Variants in EFCAB5 observed in about 807,000 individuals in gnomAD.
EFCAB5 encodes EF-hand calcium-binding domain-containing protein 5.
In EFCAB5, 131 loss-of-function variants were observed where a neutral mutation model predicts 167.9. The ratio of observed to expected loss-of-function variants is 0.78; its 90% CI spans 0.68 to 0.90. EFCAB5 has a LOEUF of 0.90. Ranked by LOEUF, EFCAB5 falls within the 40% of genes least tolerant of loss-of-function variation. EFCAB5 has a pLI of 0.00. For synonymous variants in EFCAB5, 574 were observed against 602.8 expected, an observed-to-expected ratio of 0.95 and a Z score of 0.70; for missense variants, 1,663 against 1,745.2, an observed-to-expected ratio of 0.95 and a Z score of 0.84.
chr17:30,019,128 T>C (rs1408312179), intron 7 of EFCAB5, among the ~76,000 whole-genome samples: 2 of 152,182 alleles, frequency 1.3e-5, no homozygotes, highest in Admixed American at 1.3e-4. Flanking sequence ...AAGAGGAAAG[T>C]GCCTCTGGAA....
intron 7 of EFCAB5, among the ~76,000 whole-genome samples, chr17:30,028,227 C>T (rs1340962509): frequency 6.6e-6 from 1 of 152,156 alleles, no homozygotes; most frequent in Non-Finnish European, 1.5e-5. Context: ...ACTGATGTGG[C>T]TCCAAGTTTA....
At chr17:29,972,291 C>A (rs891907353) in intron 4 of EFCAB5, among the ~76,000 whole-genome samples, 1 of 151,092 alleles carries the variant, frequency 6.6e-6, no homozygotes, top group Non-Finnish European at 1.5e-5. Flanking sequence ...CCTCGTGATC[C>A]GCCCGCCTCG....
At chr17:30,096,677 A>ATATATATATATTTT (rs1193558323) in intron 22 of EFCAB5, among the ~76,000 whole-genome samples, 2 of 60,122 alleles carry the variant, frequency 3.3e-5, no homozygotes, top group African/African-American at 1.7e-4. Context: ...ATATATATAT[A>ATATATATATATTTT]TTTTTTTTTT....
intron 3 of EFCAB5, among the ~76,000 whole-genome samples, chr17:29,944,918 C>T (rs577232627): frequency 1.8e-4 from 28 of 152,112 alleles, no homozygotes; most frequent in South Asian, 1.7e-3. Context: ...CCACTGTGCC[C>T]GGCCAACACT....
intron 14 of EFCAB5, among the ~76,000 whole-genome samples, chr17:30,060,131 T>C (rs1177458094): frequency 6.6e-6 from 1 of 152,192 alleles, no homozygotes; most frequent in Non-Finnish European, 1.5e-5. Context: ...ATAGTTAGAT[T>C]CCTTCAGTAT....
chr17:30,077,483 A>C lies in EFCAB5; in HGVS notation c.2738-732A>C, dbSNP rs758083384. 2.0e-5 allele frequency among the ~76,000 whole-genome samples: 3 copies of C among 152,314 alleles called. No homozygotes were observed. The East Asian group carries it at 5.8e-4, about 29-fold the overall frequency. On this transcript the variant is annotated intron_variant, in intron 14 of 22. Coordinates refer to ENST00000394835, the MANE Select transcript of EFCAB5 (RefSeq NM_198529.4). ...AAGATAAAGCCAAATTCAGGATATC[A>C]GTGGGAAGTGTGGGGAGGCAGGGAA...
intron 4 of EFCAB5, 74 bp downstream of exon 4, chr17:29,969,441 C>T (rs2067905366): frequency 7.8e-7 from 1 of 1,274,998 alleles, no homozygotes; most frequent in Non-Finnish European, 1.1e-6. Flanking sequence ...ATAACATAAT[C>T]ATGGACAGGA....
At chr17:30,013,911 A>C (rs2068969283) in intron 7 of EFCAB5, among the ~76,000 whole-genome samples, 2 of 152,058 alleles carry the variant, frequency 1.3e-5, no homozygotes, top group South Asian at 4.1e-4. Flanking sequence ...TCGATTTTAG[A>C]TCTTTCCTGC....
chr17:29,950,858 TTGAC>T (rs1802864391), intron 3 of EFCAB5, among the ~76,000 whole-genome samples: 2 of 152,202 alleles, frequency 1.3e-5, no homozygotes, highest in African/African-American at 4.8e-5. Flanking sequence ...ACATAGGTTT[TTGAC>T]TGTGCAGATA....
chr17:30,031,800 T>G (rs937169074), intron 7 of EFCAB5: 10 of 152,190 alleles, frequency 6.6e-5, no homozygotes, highest in Admixed American at 1.3e-4. Flanking sequence ...AGCAGGAAGA[T>G]GACCTGAGCC....
chr17:30,068,693 C>A (rs2151814407), intron 14 of EFCAB5: 1 of 1,573,484 alleles, frequency 6.4e-7, no homozygotes, highest in Non-Finnish European at 8.7e-7. Flanking sequence ...CAGAACAAGG[C>A]ACTGGGAGTG....
At chr17:30,035,383 T>C (rs999230497) in intron 8 of EFCAB5, among the ~76,000 whole-genome samples, 2 of 152,220 alleles carry the variant, frequency 1.3e-5, no homozygotes, top group African/African-American at 4.8e-5. Flanking sequence ...TTTGCTTTTC[T>C]TCCCATCATT....
chr17:30,041,203 A>AAAG (rs2069762465), intron 8 of EFCAB5, among the ~76,000 whole-genome samples: 3 of 64,338 alleles, frequency 4.7e-5, no homozygotes, highest in African/African-American at 2.5e-4. Flanking sequence ...AGGAAGGAAG[A>AAAG]AAGGAAAGAA....
intron 6 of EFCAB5, among the ~76,000 whole-genome samples, chr17:29,999,484 G>T (rs2068615530): frequency 6.6e-6 from 1 of 152,028 alleles, no homozygotes; most frequent in African/African-American, 2.4e-5. Flanking sequence ...ATTTGAATTT[G>T]TTAACTAAAA....
intron 20 of EFCAB5, 79 bp downstream of exon 20, chr17:30,090,753 G>C: frequency 6.6e-7 from 1 of 1,506,710 alleles, no homozygotes; most frequent in Non-Finnish European, 8.8e-7. Flanking sequence ...AATGAAATAT[G>C]CACTTTCTAA....
intron 7 of EFCAB5, among the ~76,000 whole-genome samples, chr17:30,031,002 G>A (rs2069465733): frequency 2.0e-5 from 3 of 151,990 alleles, no homozygotes; most frequent in Admixed American, 2.0e-4. Flanking sequence ...ATTTAAAATT[G>A]GTGTTCTTCC....
rs1181410252 is a variant in EFCAB5 at position 30,107,986 on chromosome 17, T to C, written c.4474T>C (p.Tyr1492His). The C allele has an allele frequency of 5.0e-6, 8 of 1,607,538 alleles. No individual in the cohort carries two copies. The highest frequency in any genetic ancestry group is 6.8e-6 in the Non-Finnish European group (8 of 1,178,230). Residue 1492 changes from tyrosine (Y) to histidine (H), a missense_variant, in exon 23 of 23, where the codon TAT (tyrosine) becomes CAT (histidine). By Grantham distance (83) the Tyr-to-His change is moderately conservative (BLOSUM62 2). Coordinates refer to ENST00000394835, the MANE Select transcript of EFCAB5 (RefSeq NM_198529.4). ...GCCCTCCAAGACTGACAATTATATG[T>C]ATGCAAAAATGCCAGGGGAAGGTTT... is the stretch of plus-strand genomic sequence containing the variant. ...PLPSKTDNYMYAKMPGEGLQE... is the reference protein window; with the variant it reads ...PLPSKTDNYMHAKMPGEGLQE...
Position 30,069,587 on chromosome 17 carries a change from G to C in EFCAB5, c.2738-8628G>C, listed in dbSNP as rs550694983. The C allele has an allele frequency of 1.4e-4, 226 of 1,613,234 alleles. No homozygotes were observed. The South Asian group carries it at 1.8e-3, about 13-fold the overall frequency. ...CCGCGTATGGATCCTCTTCTTCCTC[G>C]TGATGTGCTCCTTCTCCTTGCTCTT... On this transcript the variant is annotated intron_variant, in intron 14 of 22. Transcript: ENST00000394835.
chr17:30,041,467 T>G (rs748929586), intron 8 of EFCAB5, among the ~76,000 whole-genome samples: 1 of 152,214 alleles, frequency 6.6e-6, no homozygotes, highest in Admixed American at 6.5e-5. Context: ...AAAACTTGAA[T>G]GCATGACAAA....
Sources: allele counts gnomAD v4.1 joint callset (sites outside exome capture counted in the v4.1 genomes callset), GRCh38; gene constraint gnomAD v4.1.1; transcripts MANE v1.5; gene names NCBI Gene and HGNC (gene_info 2026-07-23, HGNC 2026-07-21).